Variants in CREBBP observed in about 807,000 individuals in gnomAD.
The protein encoded by CREBBP is CREB binding lysine acetyltransferase.
Under a neutral mutation model 265.0 loss-of-function variants are expected in CREBBP, and 19 were observed. That is an observed-to-expected ratio of 0.07 (90% CI 0.05 to 0.11). The LOEUF (loss-of-function observed/expected upper bound fraction) is 0.11, where lower values mean the gene tolerates loss of function less well. Among genes scored for constraint, CREBBP ranks in the 10% least tolerant of loss-of-function variants. CREBBP has a pLI of 1.00. For missense variants in CREBBP, 2,525 were observed against 3,219.0 expected, an observed-to-expected ratio of 0.78 and a Z score of 5.22; for synonymous variants, 1,457 against 1,223.7, an observed-to-expected ratio of 1.19 and a Z score of -3.98.
chr16:3,804,544 T>C (rs2053790885), intron 3 of CREBBP, among the ~76,000 whole-genome samples: 2 of 152,242 alleles, frequency 1.3e-5, no homozygotes, highest in African/African-American at 2.4e-5. Context: ...TGAAGTATTA[T>C]ATTCGCATTA....
intron 2 of CREBBP, among the ~76,000 whole-genome samples, chr16:3,827,541 G>A (rs1232046061): frequency 6.6e-6 from 1 of 151,950 alleles, no homozygotes; most frequent in Non-Finnish European, 1.5e-5. Flanking sequence ...ACAGGCGCCC[G>A]CCACCACGCC....
At chr16:3,837,053 T>C (rs1274293993) in intron 2 of CREBBP, among the ~76,000 whole-genome samples, 1 of 152,376 alleles carries the variant, frequency 6.6e-6, no homozygotes, top group Non-Finnish European at 1.5e-5. Flanking sequence ...TATTAGAGTA[T>C]AATCCTTCTA....
At chr16:3,853,867 G>A (rs993778119) in intron 1 of CREBBP, among the ~76,000 whole-genome samples, 1 of 152,050 alleles carries the variant, frequency 6.6e-6, no homozygotes, top group South Asian at 2.1e-4. Context: ...AACCTGGGAG[G>A]TGGAAGTTGC....
Position 3,799,516 on chromosome 16 carries a change from G to C in CREBBP, c.976-5890C>G, listed in dbSNP as rs373062934. Among the ~76,000 whole-genome samples, 6 of 152,292 alleles carry C rather than the reference G, an allele frequency of 3.9e-5. No individual in the cohort carries two copies. The South Asian group carries it at 8.3e-4, about 21-fold the overall frequency. ...TTTGGAAAGCAACATGTATCAAAAAGAAAAACATGCATTTCTTTTGACAGT... is the reference window on the plus strand; with the variant it reads ...TTTGGAAAGCAACATGTATCAAAAACAAAAACATGCATTTCTTTTGACAGT... On this transcript the variant is annotated intron_variant, in intron 3 of 30. Transcript: ENST00000262367.
intron 3 of CREBBP, among the ~76,000 whole-genome samples, chr16:3,810,337 A>G (rs1053833001): frequency 6.6e-6 from 1 of 152,218 alleles, no homozygotes; most frequent in Non-Finnish European, 1.5e-5. Context: ...GAGAAAGGTA[A>G]AGTGATTCGT....
intron 1 of CREBBP, among the ~76,000 whole-genome samples, chr16:3,861,156 C>A (rs550198758): frequency 6.6e-6 from 1 of 152,080 alleles, no homozygotes; most frequent in Non-Finnish European, 1.5e-5. Flanking sequence ...GTGGCAGGTG[C>A]CTATAACCCC....
intron 1 of CREBBP, among the ~76,000 whole-genome samples, chr16:3,871,633 T>C (rs2141587133): frequency 6.6e-6 from 1 of 152,358 alleles, no homozygotes; most frequent in South Asian, 2.1e-4. Flanking sequence ...CAGTGACTTA[T>C]TTTTCTATTT....
At chr16:3,804,557 G>A (rs1264312523) in intron 3 of CREBBP, among the ~76,000 whole-genome samples, 1 of 152,194 alleles carries the variant, frequency 6.6e-6, no homozygotes, top group Non-Finnish European at 1.5e-5. Flanking sequence ...TCGCATTACT[G>A]CTAGCTACGA....
At chr16:3,777,857 C>G (rs778324098) in intron 10 of CREBBP, 154 bp downstream of exon 10, 10 of 1,102,594 alleles carry the variant, frequency 9.1e-6, no homozygotes, top group Non-Finnish European at 1.4e-5. Context: ...CCCAACACAG[C>G]CTGAGGCAGG....
chr16:3,851,306 T>TAAAAAAAAAA (rs1160251196), intron 1 of CREBBP, among the ~76,000 whole-genome samples: 1 of 76,496 alleles, frequency 1.3e-5, no homozygotes, highest in East Asian at 3.4e-4. Flanking sequence ...AAAAAAAAAT[T>TAAAAAAAAAA]AAAAAAAAAA....
chr16:3,791,910 A>T, intron 5 of CREBBP, 71 bp downstream of exon 5: 1 of 1,315,600 alleles, frequency 7.6e-7, no homozygotes, highest in Non-Finnish European at 1.1e-6. Flanking sequence ...CTCCCTACCT[A>T]CTCTCTGAAT....
At chr16:3,785,604 C>T (rs1158259088) in intron 5 of CREBBP, among the ~76,000 whole-genome samples, 5 of 152,198 alleles carry the variant, frequency 3.3e-5, no homozygotes, top group Non-Finnish European at 7.3e-5. Context: ...GCCAGCACAT[C>T]GTGGGCCCTC....
chr16:3,785,849 A>G (rs2053374150), intron 5 of CREBBP, among the ~76,000 whole-genome samples: 1 of 152,170 alleles, frequency 6.6e-6, no homozygotes, highest in Non-Finnish European at 1.5e-5. Context: ...ATGCACTAAC[A>G]CAGTGGCTGG....
intron 4 of CREBBP, 100 bp downstream of exon 4, chr16:3,793,286 C>G: frequency 6.6e-7 from 1 of 1,519,478 alleles, no homozygotes; most frequent in Non-Finnish European, 9.1e-7. Context: ...AGGCAGCACT[C>G]AGGCTGCCGG....
At chr16:3,849,434 T>TGTGTGTG (rs1567360297) in intron 2 of CREBBP, among the ~76,000 whole-genome samples, 25 of 10,082 alleles carry the variant, frequency 2.5e-3, no homozygotes, top group South Asian at 0.017. Context: ...TGTGTGTGTG[T>TGTGTGTG]GTGTGTGTGT....
intron 21 of CREBBP, among the ~76,000 whole-genome samples, chr16:3,746,539 A>G (rs191813162): frequency 1.7e-3 from 259 of 152,092 alleles, no homozygotes; most frequent in African/African-American, 5.8e-3. Context: ...CTCATCCCCA[A>G]CGCTAAGAAT....
chr16:3,773,558 A>C (rs1022182659), intron 13 of CREBBP, 193 bp downstream of exon 13: 3 of 633,002 alleles, frequency 4.7e-6, no homozygotes, highest in Non-Finnish European at 8.1e-6. Context: ...TAACCCAGAA[A>C]GGATAAGAGA....
chr16:3,791,619 A>G (rs991701701), intron 5 of CREBBP, among the ~76,000 whole-genome samples: 2 of 152,216 alleles, frequency 1.3e-5, no homozygotes, highest in Non-Finnish European at 2.9e-5. Flanking sequence ...CACTGCCATT[A>G]TAGCGACATG....
intron 1 of CREBBP, among the ~76,000 whole-genome samples, chr16:3,877,721 G>A (rs1169494842): frequency 6.6e-6 from 1 of 152,208 alleles, no homozygotes; most frequent in Non-Finnish European, 1.5e-5. Context: ...TGTTTAATGT[G>A]CTTGATAATG....
Sources: gnomAD v4.1 joint callset for allele counts (sites outside exome capture counted in the v4.1 genomes callset) on GRCh38, gnomAD v4.1.1 for gene constraint, MANE v1.5 for transcripts, NCBI Gene and HGNC (gene_info 2026-07-23, HGNC 2026-07-21) for gene names.